SPATA18: variants seen among roughly 807,000 people sequenced by gnomAD.
SPATA18 encodes the protein spermatogenesis associated 18.
A neutral mutation model predicts 68.1 loss-of-function variants in SPATA18; 54 were observed. That is an observed-to-expected ratio of 0.79 (90% CI 0.64 to 0.99). The LOEUF is 0.99. Ranked by LOEUF, SPATA18 falls within the 50% of genes least tolerant of loss-of-function variation. The pLI, the probability that SPATA18 is intolerant of heterozygous loss-of-function variation, is 0.00. For missense variants in SPATA18, 724 were observed against 681.1 expected (o/e 1.06, Z -0.70); for synonymous variants, 242 against 244.8 (o/e 0.99, Z 0.11).
At chr4:52,063,753 C>T (rs984718950) in intron 4 of SPATA18, among the ~76,000 whole-genome samples, 3 of 152,010 alleles carry the variant, frequency 2.0e-5, no homozygotes, top group Non-Finnish European at 4.4e-5. Flanking sequence ...AGTTTTTGGT[C>T]TTATACTGCC....
Position 52,078,921 on chromosome 4 carries a change from G to T in SPATA18, c.1179+28G>T, listed in dbSNP as rs763613443. On this transcript the variant is annotated intron_variant, in intron 8 of 12. Transcript: ENST00000295213. ...AAGTGTTGAGTCTTTTATTAGGACT[G>T]GTTTGCTGCTGCTGCTGCAGTTTAT... The T allele has an allele frequency of 3.3e-6, 5 of 1,528,948 alleles. No homozygotes were observed. The South Asian group carries it at 6.4e-5, about 19-fold the overall frequency. 94.7% of individuals were successfully genotyped at this position (1,528,948 alleles called of 1,614,324 possible).
At chr4:52,066,352 A>G (rs926062634) in intron 4 of SPATA18, among the ~76,000 whole-genome samples, 37 of 152,106 alleles carry the variant, frequency 2.4e-4, no homozygotes, top group African/African-American at 8.2e-4. Flanking sequence ...GTGTTTCACC[A>G]TGTTAGCCAG....
chr4:52,085,104 A>G (rs1741308393), intron 11 of SPATA18, 105 bp downstream of exon 11: 13 of 800,814 alleles, frequency 1.6e-5, no homozygotes, highest in Middle Eastern at 3.0e-4. Context: ...CTACAGGTGG[A>G]AAGAGAACCT....
At chr4:52,089,440 C>G (rs1223522706) in intron 11 of SPATA18, among the ~76,000 whole-genome samples, 1 of 152,192 alleles carries the variant, frequency 6.6e-6, no homozygotes, top group East Asian at 1.9e-4. Context: ...AAATTTATCT[C>G]TAAACACTGC....
At chr4:52,073,863 A>G (rs1740084893) in intron 6 of SPATA18, among the ~76,000 whole-genome samples, 1 of 152,230 alleles carries the variant, frequency 6.6e-6, no homozygotes, top group Non-Finnish European at 1.5e-5. Flanking sequence ...ACATTAATGT[A>G]GATCAACAGG....
At chr4:52,063,325 A>G (rs1311569776) in intron 4 of SPATA18, among the ~76,000 whole-genome samples, 4 of 152,202 alleles carry the variant, frequency 2.6e-5, no homozygotes, top group African/African-American at 9.7e-5. Flanking sequence ...ACAAATAAAA[A>G]TTGATGAAAA....
intron 9 of SPATA18, among the ~76,000 whole-genome samples, chr4:52,081,679 G>C (rs1047545956): frequency 2.0e-5 from 3 of 151,924 alleles, no homozygotes; most frequent in African/African-American, 7.3e-5. Context: ...TATTTTTCTT[G>C]TACTGTGACT....
Position 52,051,497 on chromosome 4 carries a change from G to C in SPATA18, c.-208G>C, listed in dbSNP as rs1737863533. On this transcript the variant is annotated 5_prime_UTR_variant, in exon 1 of 13. Transcript: ENST00000295213. Reference sequence around the variant, plus strand: ...CCGCGCGGGACGGCGGATGAGGCGCGGCGGCTGCGGCCCAGGGCACCTCCC... The same window carrying C: ...CCGCGCGGGACGGCGGATGAGGCGCCGCGGCTGCGGCCCAGGGCACCTCCC... 9.0e-6 allele frequency: 5 copies of C among 553,760 alleles called. No homozygotes were observed. The Admixed American group carries it at 9.1e-5, about 10-fold the overall frequency. The allele number at this position is 553,760 out of a possible 1,614,324, so 34.3% of individuals were successfully genotyped here. A position where few individuals can be genotyped will look rare whatever the true frequency, so the allele number is the denominator to read the frequency against.
chr4:52,078,890 C>T lies in SPATA18; in HGVS notation c.1176C>T (p.Val392=), dbSNP rs768862603. 21 of 1,574,444 alleles carry T rather than the reference C, an allele frequency of 1.3e-5. 1 individual carries two copies. In the South Asian group the frequency reaches 2.3e-4, roughly 17 times the overall value. ...HLDLYDSQSS[V]NDVIRAMNVN... The stretch of plus-strand genomic sequence containing the variant: ...ATCTATATGATTCTCAAAGCAGTGT[C>T]AATGTAAGTGTTGAGTCTTTTATTA... Residue 392 remains valine (V), a synonymous_variant, in exon 8 of 13, where the codon GTC becomes GTT. Coordinates refer to ENST00000295213, the MANE Select transcript of SPATA18 (RefSeq NM_145263.4).
At chr4:52,053,623 A>G (rs1183531102) in intron 1 of SPATA18, among the ~76,000 whole-genome samples, 1 of 152,202 alleles carries the variant, frequency 6.6e-6, no homozygotes, top group Non-Finnish European at 1.5e-5. Context: ...AAATCTGTCC[A>G]AAATGGAATT....
rs1392716920 is a variant in SPATA18 at position 52,051,660 on chromosome 4, C to T, written c.-45C>T. The T allele has an allele frequency of 6.3e-7, 1 of 1,595,214 alleles. No individual in the cohort carries two copies. Among genetic ancestry groups the T allele is most frequent in the African/African-American group, 1.3e-5 (1 of 74,582 alleles). ...CTGCGGAGGCCACCGCCTGGTCCCC[C>T]CAAGTCTCCATCGCGCAGCGTGGGG... On this transcript the variant is annotated 5_prime_UTR_variant, in exon 1 of 13. Coordinates refer to ENST00000295213, the MANE Select transcript of SPATA18 (RefSeq NM_145263.4).
chr4:52,089,532 C>T (rs985398634), intron 11 of SPATA18, among the ~76,000 whole-genome samples: 8 of 152,144 alleles, frequency 5.3e-5, no homozygotes, highest in Non-Finnish European at 8.8e-5. Flanking sequence ...GCCTTCATTT[C>T]GTTATTTACC....
intron 6 of SPATA18, among the ~76,000 whole-genome samples, chr4:52,074,528 G>A (rs184986515): frequency 2.0e-3 from 302 of 152,208 alleles, no homozygotes; most frequent in African/African-American, 5.5e-3. Context: ...GGTTTTTTCC[G>A]ACATTGGTTA....
chr4:52,083,491 TG>T lies in SPATA18; in HGVS notation c.1479+982del, dbSNP rs1264063390. On this transcript the variant is annotated intron_variant, in intron 10 of 12. Coordinates refer to ENST00000295213, the MANE Select transcript of SPATA18 (RefSeq NM_145263.4). ...TTAGCTGGGCATGGTGGCCCACACC[TG>T]TAATCCTAGCACTTTGGGAAGCCAA... 7.1e-6 allele frequency: 7 copies of T among 984,884 alleles called. No homozygotes were observed. The African/African-American group carries it at 1.0e-4, about 15-fold the overall frequency. The allele number at this position is 984,884 out of a possible 1,614,324, so 61.0% of individuals were successfully genotyped here.
At chr4:52,066,174 A>G (rs1013252516) in intron 4 of SPATA18, among the ~76,000 whole-genome samples, 1 of 152,144 alleles carries the variant, frequency 6.6e-6, no homozygotes, top group Non-Finnish European at 1.5e-5. Context: ...GTTTTGAGAC[A>G]GAGTCTCGCT....
At chr4:52,079,659 C>T (rs1217239875) in intron 8 of SPATA18, 85 bp from the exon 9 acceptor site, 2 of 1,452,982 alleles carry the variant, frequency 1.4e-6, no homozygotes, top group East Asian at 2.3e-5. Context: ...CTTTTCCCAC[C>T]TCCCATCAAT....
chr4:52,067,671 GTCTT>G, intron 4 of SPATA18, among the ~76,000 whole-genome samples: 1 of 152,090 alleles, frequency 6.6e-6, no homozygotes. Flanking sequence ...ACGTTGAAAG[GTCTT>G]TCTTCTCTCC....
At chr4:52,071,845 C>G in intron 5 of SPATA18, 72 bp from the exon 6 acceptor site, 1 of 1,482,254 alleles carries the variant, frequency 6.7e-7, no homozygotes. Flanking sequence ...CTGCTTATTA[C>G]CTTTCCTTCC....
At chr4:52,066,878 C>T (rs1739364191) in intron 4 of SPATA18, among the ~76,000 whole-genome samples, 1 of 152,082 alleles carries the variant, frequency 6.6e-6, no homozygotes, top group African/African-American at 2.4e-5. Flanking sequence ...GCATATGTAC[C>T]ACATTTTCTT....
Sources: allele counts gnomAD v4.1 joint callset (sites outside exome capture counted in the v4.1 genomes callset), GRCh38; gene constraint gnomAD v4.1.1; transcripts MANE v1.5; gene names NCBI Gene and HGNC (gene_info 2026-07-23, HGNC 2026-07-21).